Variants in PIGV observed in about 807,000 individuals in gnomAD.
PIGV encodes phosphatidylinositol glycan anchor biosynthesis class V, also known as GPI alpha-1,6-mannosyltransferase 2.
PIGV carries 27 observed loss-of-function variants against 39.2 expected under a neutral mutation model. That is an observed-to-expected ratio of 0.69 (90% CI 0.51 to 0.95). The LOEUF is 0.95. Ranked by LOEUF, PIGV falls within the 40% of genes least tolerant of loss-of-function variation. PIGV has a pLI of 0.00. For synonymous variants in PIGV, 232 were observed against 241.7 expected, an observed-to-expected ratio of 0.96 and a Z score of 0.37; for missense variants, 523 against 586.4, an observed-to-expected ratio of 0.89 and a Z score of 1.12.
Position 26,796,117 on chromosome 1 carries a change from C to T in PIGV, c.1200+883C>T, listed in dbSNP as rs143760048. 4.8e-4 allele frequency among the ~76,000 whole-genome samples: 72 copies of T among 151,138 alleles called. 1 individual carries two copies. The East Asian group carries it at 0.014, about 30-fold the overall frequency. On this transcript the variant is annotated intron_variant, in intron 3 of 3. Transcript: ENST00000674202. The stretch of plus-strand genomic sequence containing the variant: ...TCAAGTGATCTGCCCGCCTCATCCT[C>T]CTAAAGTGCTGGGATTACAGGCGTG...
intron 2 of PIGV, among the ~76,000 whole-genome samples, chr1:26,791,518 T>C (rs1046200699): frequency 2.0e-5 from 3 of 152,242 alleles, no homozygotes; most frequent in African/African-American, 7.2e-5. Context: ...AGCACAGTGC[T>C]TGGTGCCTAG....
chr1:26,790,779 C>CT lies in PIGV; in HGVS notation c.-36dup. 6 of 1,565,630 alleles carry CT rather than the reference C, an allele frequency of 3.8e-6. No homozygotes were observed. Among genetic ancestry groups the CT allele is most frequent in the Middle Eastern group, 3.3e-4 (2 of 5,982 alleles). ...TTTAGAGGCCTGAGGGAGCTCAATC[C>CT]TGGTAGCAACACCCCTGAATTCCTG... On this transcript the variant is annotated 5_prime_UTR_variant, in exon 2 of 4. Transcript: ENST00000674202.
Position 26,799,543 on chromosome 1 carries a change from A to G in PIGV, c.*1699A>G, listed in dbSNP as rs1457223785. Among the ~76,000 whole-genome samples the G allele has an allele frequency of 2.6e-5, 4 of 152,198 alleles. No homozygotes were observed. The highest frequency in any genetic ancestry group is 1.9e-4 in the East Asian group (1 of 5,200). ...CATAAGCAGCTTCTGGAAAGCCTCA[A>G]GAATTGGAATTTTGACACACTCCCT... On this transcript the variant is annotated 3_prime_UTR_variant, in exon 4 of 4. Coordinates refer to ENST00000674202, the MANE Select transcript of PIGV (RefSeq NM_017837.4).
At chr1:26,787,318 G>A (rs1374711066), upstream of PIGV, among the ~76,000 whole-genome samples, 1 of 151,958 alleles carries the variant, frequency 6.6e-6, no homozygotes, top group South Asian at 2.1e-4. Flanking sequence ...AAACTGCTTG[G>A]GTGAGGGAGG....
At chr1:26,793,981 G>C (rs2081345796) in intron 2 of PIGV, 132 bp from the exon 3 acceptor site, 1 of 826,482 alleles carries the variant, frequency 1.2e-6, no homozygotes, top group African/African-American at 1.7e-5. Context: ...CTGGGTTCAA[G>C]TAATCCTCCC....
rs2081413078 is a variant in PIGV at position 26,798,357 on chromosome 1, A to G, written c.*513A>G. 1 of 157,616 alleles carries G rather than the reference A, an allele frequency of 6.3e-6. No individual in the cohort carries two copies. Among genetic ancestry groups the G allele is most frequent in the Admixed American group, 6.1e-5 (1 of 16,330 alleles). The allele number at this position is 157,616 out of a possible 1,614,324, so 9.8% of individuals were successfully genotyped here. A position where few individuals can be genotyped will look rare whatever the true frequency, so the allele number is the denominator to read the frequency against. ...TGTGCATGTATTTTTATATGAAAAA[A>G]ACTTACAAAGATATGCAAATTAAAC... On this transcript the variant is annotated 3_prime_UTR_variant, in exon 4 of 4. Coordinates refer to ENST00000674202, the MANE Select transcript of PIGV (RefSeq NM_017837.4).
chr1:26,797,845 C>T lies in PIGV; in HGVS notation c.*1C>T, dbSNP rs756446075. 11 of 1,613,960 alleles carry T rather than the reference C, an allele frequency of 6.8e-6. No homozygotes were observed. Among genetic ancestry groups the T allele is most frequent in the African/African-American group, 1.3e-5 (1 of 74,928 alleles). On this transcript the variant is annotated 3_prime_UTR_variant, in exon 4 of 4. Transcript: ENST00000674202. ...TTGCAACTTCCTGCCTTGGACATGA[C>T]CTGGACTCTCCAGGGACAGGTTGGA...
upstream of PIGV, chr1:26,787,659 C>T (rs1386534761): frequency 6.6e-6 from 1 of 152,264 alleles, no homozygotes; most frequent in Non-Finnish European, 1.5e-5. Context: ...GAGCCTCGGC[C>T]CACACCGGGA....
At chr1:26,797,271 G>A (rs772880635) in intron 3 of PIGV, among the ~76,000 whole-genome samples, 6 of 152,086 alleles carry the variant, frequency 3.9e-5, no homozygotes, top group African/African-American at 7.2e-5. Flanking sequence ...CCAGGCCCTC[G>A]GCTAAAATTA....
intron 1 of PIGV, among the ~76,000 whole-genome samples, chr1:26,789,753 GAAGAAA>G (rs745417203): frequency 7.9e-4 from 120 of 152,284 alleles, no homozygotes; most frequent in Admixed American, 1.4e-3. Context: ...CCAGATAAGA[GAAGAAA>G]AAGAGTCTTC....
Position 26,794,381 on chromosome 1 carries a change from T to C in PIGV, c.347T>C (p.Leu116Pro), listed in dbSNP as rs765126006. 6.2e-7 allele frequency: 1 copy of C among 1,614,278 alleles called. No homozygotes were observed. Among genetic ancestry groups the C allele is most frequent in the Non-Finnish European group, 8.5e-7 (1 of 1,180,040 alleles). Reference sequence around the variant, plus strand: ...TTACTGAGTCTACGCAGTTGCCTGCTGATTTCGGTAGCATCACTCAATTTC... The same window carrying C: ...TTACTGAGTCTACGCAGTTGCCTGCCGATTTCGGTAGCATCACTCAATTTC... ...RGLLSLRSCL[L>P]ISVASLNFLF... The change falls in exon 3 of 4, where the codon CTG (leucine) becomes CCG (proline). Residue 116 changes from leucine (L) to proline (P), a missense_variant. Leu to Pro is a moderately conservative substitution (Grantham distance 98). Coordinates refer to ENST00000674202, the MANE Select transcript of PIGV (RefSeq NM_017837.4).
At chr1:26,792,618 C>T (rs1018784411) in intron 2 of PIGV, among the ~76,000 whole-genome samples, 7 of 152,218 alleles carry the variant, frequency 4.6e-5, no homozygotes, top group Non-Finnish European at 4.4e-5. Flanking sequence ...TGAGCCACCG[C>T]GCCCGGCCAG....
intron 2 of PIGV, among the ~76,000 whole-genome samples, chr1:26,792,476 C>T (rs1053948087): frequency 3.9e-5 from 6 of 152,004 alleles, no homozygotes; most frequent in African/African-American, 9.7e-5. Flanking sequence ...TACAGGCGCC[C>T]GCCACCGCGC....
In PIGV at chr1:26,794,063, C is replaced by A. The variant is rs774105222; in HGVS notation, c.79-50C>A. On this transcript the variant is annotated intron_variant, in intron 2 of 3. Transcript: ENST00000674202. ...TTCCTCATTTTATTAAATGGCAATT[C>A]TTTTCTTCCAGTTACTCAACCAAAA... is the stretch of plus-strand genomic sequence containing the variant. 4.5e-6 allele frequency: 7 copies of A among 1,549,772 alleles called. No homozygotes were observed. In the South Asian group the frequency reaches 5.6e-5, roughly 12 times the overall value.
intron 1 of PIGV, among the ~76,000 whole-genome samples, chr1:26,789,751 GA>G (rs780608555): frequency 7.9e-4 from 120 of 152,278 alleles, no homozygotes; most frequent in Admixed American, 1.4e-3. Context: ...CGCCAGATAA[GA>G]GAAGAAAAAG....
chr1:26,787,251 TTTG>T (rs2081248823), upstream of PIGV, among the ~76,000 whole-genome samples: 1 of 152,248 alleles, frequency 6.6e-6, no homozygotes. Context: ...AATAGACGGT[TTTG>T]TTGAGTTCGC....
rs1166734973 is a variant in PIGV at position 26,797,677 on chromosome 1, C to G, written c.1315C>G (p.Leu439Val). 3 of 1,614,176 alleles carry G rather than the reference C, an allele frequency of 1.9e-6. No individual in the cohort carries two copies. The highest frequency in any genetic ancestry group is 2.5e-6 in the Non-Finnish European group (3 of 1,180,012). Residue 439 changes from leucine (L) to valine (V), a missense_variant, in exon 4 of 4, where the codon CTT becomes GTT. Coordinates refer to ENST00000674202, the MANE Select transcript of PIGV (RefSeq NM_017837.4). ...CTTAAAGACTGTGCCTTGGAAGCCT[C>G]TTGCAGAGGACTCCCCACCAGGACA... ...RSLKTVPWKP[L>V]AEDSPPGQKV...
intron 1 of PIGV, chr1:26,788,910 G>A (rs2124174689): frequency 6.6e-6 from 1 of 152,352 alleles, no homozygotes; most frequent in Middle Eastern, 3.4e-3. Context: ...GAATTGACTA[G>A]CTTTGTTTTT....
chr1:26,795,958 A>T (rs1396172969), intron 3 of PIGV, among the ~76,000 whole-genome samples: 1 of 150,972 alleles, frequency 6.6e-6, no homozygotes, highest in Non-Finnish European at 1.5e-5. Context: ...TCCTGGGTTC[A>T]AGCGACTCTT....
Sources: gnomAD v4.1 joint callset for allele counts (sites outside exome capture counted in the v4.1 genomes callset) on GRCh38, gnomAD v4.1.1 for gene constraint, MANE v1.5 for transcripts, NCBI Gene and HGNC (gene_info 2026-07-23, HGNC 2026-07-21) for gene names.